Variants in ZNF469 observed in about 807,000 individuals in gnomAD.
ZNF469 encodes zinc finger protein 469.
A neutral mutation model predicts 1.0 loss-of-function variants in ZNF469; 1 was observed. The observed-to-expected ratio is 1.00, with a 90% confidence interval of 0.35 to 4.73. The LOEUF (loss-of-function observed/expected upper bound fraction) is 4.73. Ranked by LOEUF, ZNF469 falls within the 30% of genes most tolerant of loss-of-function variation. The probability of loss-of-function intolerance (pLI) is 0.16; values close to 1 mark genes in which losing one functional copy is unlikely to be tolerated. For synonymous variants in ZNF469, 2,703 were observed against 2,363.4 expected, an observed-to-expected ratio of 1.14 and a Z score of -4.17; for missense variants, 6,100 against 5,356.3, an observed-to-expected ratio of 1.14 and a Z score of -4.33.
At chr16:88,193,854 G>A in the ZNF469 span, among the ~76,000 whole-genome samples, 15 of 152,174 alleles carry the variant, frequency 9.9e-5, no homozygotes, top group South Asian at 8.3e-4. Context: ...AACTTACTGC[G>A]CCCTCACATG....
the ZNF469 span, among the ~76,000 whole-genome samples, chr16:88,269,153 C>T: frequency 3.3e-5 from 5 of 152,184 alleles, no homozygotes; most frequent in African/African-American, 9.6e-5. Context: ...GCACGGCAGG[C>T]GGGAGCTGGG....
intron 1 of ZNF469, among the ~76,000 whole-genome samples, chr16:88,395,387 G>GGGTA (rs781579186): frequency 7.1e-6 from 1 of 140,594 alleles, no homozygotes; most frequent in Admixed American, 6.8e-5. Flanking sequence ...ATGGCTGGAT[G>GGGTA]GGTAGGTAGG....
At position 88,431,986 on chromosome 16, in the gene ZNF469, G is replaced by A. The variant is rs2142306246; in HGVS notation, c.4516G>A (p.Glu1506Lys). The A allele has an allele frequency of 1.3e-6, 2 of 1,549,816 alleles. No homozygotes were observed. Among genetic ancestry groups the A allele is most frequent in the Non-Finnish European group, 1.7e-6 (2 of 1,146,970 alleles). Residue 1506 changes from glutamate (E) to lysine (K), a missense_variant, in exon 3 of 3, where the codon GAA becomes AAA. Physicochemically the swap from Glu to Lys is moderately conservative, Grantham distance 56 (BLOSUM62 1). Transcript: ENST00000565624. ...PPYPSFLLLE[E>K]VSPMLPSHFP... ...GTACCCCTCTTTTTTGCTGCTTGAGGAAGTATCCCCGATGCTGCCTAGCCA... is the reference window on the plus strand; with the variant it reads ...GTACCCCTCTTTTTTGCTGCTTGAGAAAGTATCCCCGATGCTGCCTAGCCA...
At chr16:88,415,362 C>T (rs1047588706) in intron 1 of ZNF469, among the ~76,000 whole-genome samples, 1 of 152,210 alleles carries the variant, frequency 6.6e-6, no homozygotes, top group African/African-American at 2.4e-5. Context: ...GAGCCAGGGC[C>T]CTTCCCCCAA....
intron 1 of ZNF469, among the ~76,000 whole-genome samples, chr16:88,393,540 T>G (rs1904548080): frequency 1.3e-5 from 2 of 152,062 alleles, no homozygotes; most frequent in African/African-American, 2.4e-5. Flanking sequence ...TGGCCCAGGG[T>G]GGGCAGAGCC....
rs1284670785 is a variant in ZNF469, at chr16:88,431,250, C to T, written c.3780C>T (p.Pro1260=). The T allele has an allele frequency of 2.6e-6, 4 of 1,550,240 alleles. No individual in the cohort carries two copies. Among genetic ancestry groups the T allele is most frequent in the East Asian group, 2.4e-5 (1 of 40,920 alleles). The part of the protein sequence containing the change: ...AACAGEMGAS[P]GLLIPEQPPP... ...GTGCGGGAGAAATGGGAGCAAGCCC[C>T]GGTCTCCTGATACCAGAGCAGCCGC... The change falls in exon 3 of 3, where the codon CCC becomes CCT. Residue 1260 remains proline, a synonymous_variant. Transcript: ENST00000565624.
intron 1 of ZNF469, among the ~76,000 whole-genome samples, chr16:88,421,390 G>A (rs188974163): frequency 9.2e-5 from 14 of 152,290 alleles, no homozygotes; most frequent in Admixed American, 3.3e-4. Context: ...AAAGGGGTCC[G>A]GCCTACTGAA....
intron 1 of ZNF469, among the ~76,000 whole-genome samples, chr16:88,391,417 T>C (rs1364564583): frequency 1.3e-5 from 2 of 152,266 alleles, no homozygotes; most frequent in African/African-American, 4.8e-5. Flanking sequence ...TCAAGTCTGA[T>C]CCTGGGCAAA....
the ZNF469 span, chr16:88,194,254 G>A: frequency 3.3e-5 from 5 of 152,270 alleles, no homozygotes; most frequent in African/African-American, 4.8e-5. Context: ...AGCCGGGGAC[G>A]GGCCTCACGT....
At chr16:88,188,129 C>T in the ZNF469 span, among the ~76,000 whole-genome samples, 2 of 152,158 alleles carry the variant, frequency 1.3e-5, no homozygotes, top group Non-Finnish European at 2.9e-5. Context: ...TGTGCCTCTG[C>T]CCGTGCCGTG....
the ZNF469 span, among the ~76,000 whole-genome samples, chr16:88,104,483 C>T: frequency 3.3e-5 from 5 of 152,170 alleles, no homozygotes; most frequent in Middle Eastern, 3.4e-3. Context: ...TTACCCCGGA[C>T]GTTAAGTCCC....
the ZNF469 span, among the ~76,000 whole-genome samples, chr16:88,201,761 G>A: frequency 2.6e-5 from 4 of 152,192 alleles, no homozygotes; most frequent in African/African-American, 9.7e-5. The surrounding 1 kb of genome is among the most constrained non-coding windows in gnomAD (Gnocchi z 5.0). Flanking sequence ...GGCATTGCTC[G>A]TGTTGGCCTG....
the ZNF469 span, among the ~76,000 whole-genome samples, chr16:88,223,135 G>A: frequency 6.6e-6 from 1 of 152,220 alleles, no homozygotes; most frequent in Non-Finnish European, 1.5e-5. Context: ...GTTTGGCTGT[G>A]TCCCCACCCA....
At position 88,438,999 on chromosome 16, in the gene ZNF469, G is replaced by GC. The variant is rs1192814702; in HGVS notation, c.11536dup (p.Arg3846ProfsTer70). On this transcript the variant is annotated frameshift_variant, in exon 3 of 3. Coordinates refer to ENST00000565624, the MANE Select transcript of ZNF469 (RefSeq NM_001367624.2). LOFTEE classifies it low-confidence loss of function (END_TRUNC). ...GGAGAGCCCCCTCAGCCCCTGACAAGCCCCCCCGGACCCCTCGGAAGCAGG... is the reference window on the plus strand; with the variant it reads ...GGAGAGCCCCCTCAGCCCCTGACAAGCCCCCCCCGGACCCCTCGGAAGCAGG... 1.6e-5 allele frequency: 25 copies of GC among 1,549,970 alleles called. No individual in the cohort carries two copies. Among genetic ancestry groups the GC allele is most frequent in the Admixed American group, 5.9e-5 (3 of 50,962 alleles).
chr16:88,185,324 C>A, the ZNF469 span, among the ~76,000 whole-genome samples: 8 of 152,244 alleles, frequency 5.3e-5, no homozygotes, highest in South Asian at 1.7e-3. Context: ...CACACATTCA[C>A]ATACACTCAC....
chr16:88,376,478 C>T, the ZNF469 span, among the ~76,000 whole-genome samples: 1 of 152,284 alleles, frequency 6.6e-6, no homozygotes, highest in Non-Finnish European at 1.5e-5. Context: ...ATTCCTTGGG[C>T]CCAGCCCGGG....
intron 2 of ZNF469, among the ~76,000 whole-genome samples, chr16:88,425,324 T>C (rs1567507689): frequency 6.6e-6 from 1 of 151,972 alleles, no homozygotes; most frequent in Non-Finnish European, 1.5e-5. Flanking sequence ...TGGCCATGGG[T>C]AGGGGGGTCT....
the ZNF469 span, among the ~76,000 whole-genome samples, chr16:88,291,834 G>T: frequency 6.6e-6 from 1 of 152,178 alleles, no homozygotes; most frequent in Non-Finnish European, 1.5e-5. Context: ...CTTCTGGGGA[G>T]AGAAGAACCA....
rs867440305 is a variant in ZNF469, at chr16:88,438,409, GAGA to G, written c.10942_10944del (p.Lys3648del). 3.4e-5 allele frequency: 52 copies of G among 1,550,020 alleles called. No homozygotes were observed. The highest frequency in any genetic ancestry group is 4.2e-5 in the Non-Finnish European group (48 of 1,146,960). On this transcript the variant is annotated inframe_deletion, in exon 3 of 3. Coordinates refer to ENST00000565624, the MANE Select transcript of ZNF469 (RefSeq NM_001367624.2). ...CCAGGAAGACCACCTACTTCAGAAA[GAGA>G]AGGAGGTGTCCTCAAGCCACATGGT...
Sources: allele counts gnomAD v4.1 joint callset (sites outside exome capture counted in the v4.1 genomes callset), GRCh38; gene constraint gnomAD v4.1.1; non-coding constraint Gnocchi (gnomAD v3.1); transcripts MANE v1.5; gene names NCBI Gene and HGNC (gene_info 2026-07-23, HGNC 2026-07-21).